Variants in SPOCK3 observed in about 807,000 individuals in gnomAD.
SPOCK3 encodes SPARC (osteonectin), cwcv and kazal like domains proteoglycan 3.
A neutral mutation model predicts 56.6 loss-of-function variants in SPOCK3; 30 were observed. The ratio of observed to expected loss-of-function variants is 0.53; its 90% CI spans 0.40 to 0.72. The LOEUF (loss-of-function observed/expected upper bound fraction) is 0.72. Among genes scored for constraint, SPOCK3 ranks in the 30% least tolerant of loss-of-function variants. The pLI is 0.00. For synonymous variants in SPOCK3, 196 were observed against 183.3 expected (o/e 1.07, Z -0.56); for missense variants, 527 against 530.0 (o/e 0.99, Z 0.06).
chr4:167,068,167 A>G (rs1362940941), intron 2 of SPOCK3, among the ~76,000 whole-genome samples: 4 of 151,748 alleles, frequency 2.6e-5, no homozygotes, highest in East Asian at 1.9e-4. Context: ...AACAGTTTCA[A>G]TTAATATATT....
At chr4:167,064,282 TA>T (rs1434246750) in intron 2 of SPOCK3, among the ~76,000 whole-genome samples, 1 of 151,798 alleles carries the variant, frequency 6.6e-6, no homozygotes, top group East Asian at 1.9e-4. Context: ...AGGGTTATAT[TA>T]AGAGGAGGGC....
intron 4 of SPOCK3, among the ~76,000 whole-genome samples, chr4:166,926,990 G>T (rs1201322567): frequency 1.3e-5 from 2 of 152,064 alleles, no homozygotes; most frequent in Non-Finnish European, 2.9e-5. Flanking sequence ...GGGGTGTAAG[G>T]TGACTAATAG....
At chr4:167,158,247 T>C (rs1381301429) in intron 2 of SPOCK3, among the ~76,000 whole-genome samples, 2 of 151,994 alleles carry the variant, frequency 1.3e-5, no homozygotes, top group African/African-American at 4.8e-5. Flanking sequence ...ATATACACTA[T>C]AGTCTTTGGT....
intron 7 of SPOCK3, among the ~76,000 whole-genome samples, chr4:166,770,498 C>T (rs1738786555): frequency 6.6e-6 from 1 of 152,204 alleles, no homozygotes; most frequent in South Asian, 2.1e-4. Context: ...AGAATGTGAA[C>T]ATCTTTGAGA....
intron 2 of SPOCK3, among the ~76,000 whole-genome samples, chr4:167,205,576 A>G: frequency 1.2e-5 from 1 of 82,890 alleles, no homozygotes; most frequent in East Asian, 2.8e-4. Flanking sequence ...TATATATATA[A>G]TATAATATAA....
At position 166,812,779 on chromosome 4, in the gene SPOCK3, A is replaced by G. The variant is rs76608151; in HGVS notation, c.590-20490T>C. ...TTAAATTTATTATTTAAAAGTCTTA[A>G]AGGCTATATATTTTCAAAGTTCACA... On this transcript the variant is annotated intron_variant, in intron 6 of 10. Coordinates refer to ENST00000357545, the MANE Select transcript of SPOCK3 (RefSeq NM_001040159.2). Among the ~76,000 whole-genome samples the G allele has an allele frequency of 3.4e-3, 511 of 152,086 alleles. 2 individuals carry two copies. Among genetic ancestry groups the G allele is most frequent in the African/African-American group, 0.012 (487 of 41,546 alleles).
chr4:167,076,476 T>C (rs1447644444), intron 2 of SPOCK3, among the ~76,000 whole-genome samples: 1 of 151,738 alleles, frequency 6.6e-6, no homozygotes, highest in Admixed American at 6.6e-5. Flanking sequence ...AAAAGAAAAG[T>C]CTATTATATT....
At chr4:167,014,444 A>C (rs1750403401) in intron 3 of SPOCK3, among the ~76,000 whole-genome samples, 1 of 152,018 alleles carries the variant, frequency 6.6e-6, no homozygotes, top group Non-Finnish European at 1.5e-5. Flanking sequence ...CCTGGAGCTC[A>C]AGACTAGCCT....
chr4:167,078,763 A>G (rs1448015505), intron 2 of SPOCK3, among the ~76,000 whole-genome samples: 1 of 151,776 alleles, frequency 6.6e-6, no homozygotes, highest in African/African-American at 2.4e-5. Context: ...TTTAATTTCC[A>G]AGTGCAAGTA....
intron 6 of SPOCK3, among the ~76,000 whole-genome samples, chr4:166,828,381 G>A (rs1462518380): frequency 1.3e-5 from 2 of 151,854 alleles, no homozygotes; most frequent in Non-Finnish European, 2.9e-5. Context: ...TTTTCCAAAT[G>A]TAATTTAGCT....
In SPOCK3 at chr4:167,064,362, G is replaced by A. The variant is rs1328804767; in HGVS notation, c.190-1825C>T. Among the ~76,000 whole-genome samples the A allele has an allele frequency of 2.6e-5, 4 of 151,660 alleles. No homozygotes were observed. In the East Asian group the frequency reaches 7.8e-4, roughly 29 times the overall value. On this transcript the variant is annotated intron_variant, in intron 2 of 10. Transcript: ENST00000357545. Reference sequence around the variant, plus strand: ...TAGGATTAGATTAAGAAAGGATAATGCTACTGGATAATTAATAAACACTGA... The same window carrying A: ...TAGGATTAGATTAAGAAAGGATAATACTACTGGATAATTAATAAACACTGA...
At chr4:166,999,684 T>C (rs578221106) in intron 4 of SPOCK3, among the ~76,000 whole-genome samples, 2 of 152,320 alleles carry the variant, frequency 1.3e-5, no homozygotes, top group South Asian at 4.1e-4. Flanking sequence ...CATGTTTGAT[T>C]GTGGCGCGTT....
chr4:167,042,143 C>A (rs540711206), intron 3 of SPOCK3, among the ~76,000 whole-genome samples: 1 of 152,106 alleles, frequency 6.6e-6, no homozygotes, highest in Non-Finnish European at 1.5e-5. Flanking sequence ...TTAGCACTGG[C>A]AGAGAATTGA....
At position 167,223,020 on chromosome 4, in the gene SPOCK3, TATATA is replaced by T. The variant is rs531816383; in HGVS notation, c.189+10960_189+10964del. On this transcript the variant is annotated intron_variant, in intron 2 of 10. Coordinates refer to ENST00000357545, the MANE Select transcript of SPOCK3 (RefSeq NM_001040159.2). ...TATGAATATATATTTTATATATGAA[TATATA>T]ATATATTATATTTTATATATGAATA... Among the ~76,000 whole-genome samples the T allele has an allele frequency of 1.4e-3, 176 of 124,120 alleles. 4 individuals carry two copies. The highest frequency in any genetic ancestry group is 4.3e-3 in the African/African-American group (136 of 31,274). 81.4% of individuals were successfully genotyped at this position (124,120 alleles called of 152,430 possible).
intron 6 of SPOCK3, among the ~76,000 whole-genome samples, chr4:166,834,595 T>G (rs1429830935): frequency 6.6e-6 from 1 of 152,218 alleles, no homozygotes; most frequent in Non-Finnish European, 1.5e-5. Context: ...TAGGACATTT[T>G]CTTTGGTATC....
At chr4:167,121,116 A>G (rs1761831360) in intron 2 of SPOCK3, among the ~76,000 whole-genome samples, 1 of 151,650 alleles carries the variant, frequency 6.6e-6, no homozygotes, top group Non-Finnish European at 1.5e-5. Flanking sequence ...TCTATTTAAA[A>G]TCAATCATGA....
At chr4:166,735,903 G>A (rs569192182) in intron 10 of SPOCK3, among the ~76,000 whole-genome samples, 23 of 151,094 alleles carry the variant, frequency 1.5e-4, no homozygotes, top group African/African-American at 4.8e-4. Context: ...TAAAGCAACA[G>A]AAAACTAATA....
intron 2 of SPOCK3, among the ~76,000 whole-genome samples, chr4:167,089,074 A>G (rs1171787109): frequency 6.6e-6 from 1 of 152,168 alleles, no homozygotes; most frequent in Non-Finnish European, 1.5e-5. Flanking sequence ...AGGTGCTGGT[A>G]TTCTATAAAT....
chr4:167,121,720 C>G (rs1761879964), intron 2 of SPOCK3, among the ~76,000 whole-genome samples: 1 of 152,236 alleles, frequency 6.6e-6, no homozygotes, highest in Admixed American at 6.5e-5. Flanking sequence ...TTTCCTCACC[C>G]TTAGAGAACA....
Sources: gnomAD v4.1 joint callset for allele counts (sites outside exome capture counted in the v4.1 genomes callset) on GRCh38, gnomAD v4.1.1 for gene constraint, MANE v1.5 for transcripts, NCBI Gene and HGNC (gene_info 2026-07-23, HGNC 2026-07-21) for gene names.